Variants in TTLL1 observed in about 807,000 individuals in gnomAD.
TTLL1 encodes TTL family tubulin polyglutamylase complex subunit L1, also known as polyglutamylase complex subunit TTLL1.
In TTLL1, 33 loss-of-function variants were observed where a neutral mutation model predicts 47.8. The ratio of observed to expected loss-of-function variants is 0.69; its 90% CI spans 0.52 to 0.92. The LOEUF is 0.92. TTLL1 is among the 40% of genes least tolerant of loss of function. The pLI is 0.00. For synonymous variants in TTLL1, 225 were observed against 214.1 expected, an observed-to-expected ratio of 1.05 and a Z score of -0.45; for missense variants, 488 against 547.5, an observed-to-expected ratio of 0.89 and a Z score of 1.08.
chr22:43,054,000 C>T (rs1186814117), intron 8 of TTLL1, among the ~76,000 whole-genome samples: 1 of 152,212 alleles, frequency 6.6e-6, no homozygotes, highest in Non-Finnish European at 1.5e-5. Flanking sequence ...TAACCCTTCC[C>T]AATCATGAAG....
At chr22:43,077,279 T>C (rs918470531) in intron 2 of TTLL1, among the ~76,000 whole-genome samples, 1 of 152,150 alleles carries the variant, frequency 6.6e-6, no homozygotes, top group Non-Finnish European at 1.5e-5. Context: ...CTCTCTCTCC[T>C]GCCACAGGCC....
chr22:43,044,338 C>T (rs1309813993), intron 10 of TTLL1, among the ~76,000 whole-genome samples: 1 of 152,124 alleles, frequency 6.6e-6, no homozygotes, highest in Non-Finnish European at 1.5e-5. Context: ...TCCATCTAAA[C>T]TCCCCTTGCA....
chr22:43,083,982 T>C (rs1929063871), intron 1 of TTLL1, among the ~76,000 whole-genome samples: 1 of 152,178 alleles, frequency 6.6e-6, no homozygotes, highest in Admixed American at 6.6e-5. Flanking sequence ...TTAATTTCCT[T>C]GACATTATTT....
chr22:43,069,913 C>A, intron 3 of TTLL1, 69 bp from the exon 4 acceptor site: 1 of 1,569,020 alleles, frequency 6.4e-7, no homozygotes, highest in South Asian at 1.2e-5. Context: ...TGTTCCCGTC[C>A]CCGCAAACAC....
chr22:43,039,709 A>G lies in TTLL1; in HGVS notation c.*67T>C. On this transcript the variant is annotated 3_prime_UTR_variant, in exon 11 of 11. Transcript: ENST00000266254. ...AGGAAAAAAGCTCTACAAAAGGGAA[A>G]TTTCAAAATAGGGCTTCAGCAGGGG... 6.7e-7 allele frequency: 1 copy of G among 1,488,040 alleles called. No homozygotes were observed. Among genetic ancestry groups the G allele is most frequent in the African/African-American group, 1.4e-5 (1 of 70,484 alleles). 92.2% of individuals were successfully genotyped at this position (1,488,040 alleles called of 1,614,324 possible).
chr22:43,085,029 G>T (rs546599689), intron 1 of TTLL1, among the ~76,000 whole-genome samples: 1 of 145,280 alleles, frequency 6.9e-6, no homozygotes, highest in African/African-American at 2.6e-5. Flanking sequence ...GTGCAGTGGC[G>T]CGATCTCAGC....
chr22:43,089,163 C>T (rs1272811223), intron 1 of TTLL1, 114 bp downstream of exon 1: 2 of 152,242 alleles, frequency 1.3e-5, no homozygotes, highest in Non-Finnish European at 2.9e-5. Flanking sequence ...ACCGCATTTT[C>T]GCAGCCGCGT....
chr22:43,071,210 C>A (rs1330159175), intron 3 of TTLL1, among the ~76,000 whole-genome samples: 1 of 152,004 alleles, frequency 6.6e-6, no homozygotes, highest in Admixed American at 6.6e-5. Flanking sequence ...AGCCACCGTG[C>A]TTGGCAACGG....
intron 1 of TTLL1, among the ~76,000 whole-genome samples, chr22:43,088,410 C>T (rs891572464): frequency 2.2e-5 from 3 of 136,834 alleles, no homozygotes; most frequent in Non-Finnish European, 1.5e-5. Context: ...AATCTCGGCT[C>T]ACTGCAAGCT....
intron 10 of TTLL1, among the ~76,000 whole-genome samples, chr22:43,041,977 C>A (rs1925718777): frequency 6.6e-6 from 1 of 152,240 alleles, no homozygotes; most frequent in East Asian, 1.9e-4. Context: ...GGACAGGACA[C>A]CCCTGGAACT....
chr22:43,069,530 A>G (rs1927971153), intron 4 of TTLL1, 106 bp downstream of exon 4: 2 of 1,553,194 alleles, frequency 1.3e-6, no homozygotes, highest in African/African-American at 1.4e-5. Context: ...ACTCGCATGG[A>G]CATGCTCACG....
chr22:43,039,662 G>A lies in TTLL1; in HGVS notation c.*114C>T, dbSNP rs2072883. On this transcript the variant is annotated 3_prime_UTR_variant, in exon 11 of 11. Coordinates refer to ENST00000266254, the MANE Select transcript of TTLL1 (RefSeq NM_012263.5). Reference sequence around the variant, plus strand: ...CATAACCTTCCAAAGAAGTGCCTTCGTTTATTTACAGGGCTTAGGAAAGGA... The same window carrying A: ...CATAACCTTCCAAAGAAGTGCCTTCATTTATTTACAGGGCTTAGGAAAGGA... 836,207 of 1,336,002 alleles carry A rather than the reference G, an allele frequency of 0.63. 266,902 individuals are homozygous for A. Among genetic ancestry groups the A allele is most frequent in the African/African-American group, 0.9 (59,950 of 66,936 alleles). The allele number at this position is 1,336,002 out of a possible 1,614,324, so 82.8% of individuals were successfully genotyped here.
At chr22:43,066,985 C>T (rs575961339) in intron 5 of TTLL1, among the ~76,000 whole-genome samples, 1 of 150,934 alleles carries the variant, frequency 6.6e-6, no homozygotes, top group Non-Finnish European at 1.5e-5. Context: ...GAGACTCCAT[C>T]TCAAAAGAAA....
Position 43,073,643 on chromosome 22 carries a change from G to A in TTLL1, c.113+1831C>T, listed in dbSNP as rs558632610. On this transcript the variant is annotated intron_variant, in intron 3 of 10. Transcript: ENST00000266254. ...AGTGCTGGGATTACAGGCATGAGCC[G>A]CTGTGCCCAGCCCATCATAATTATT... 2.4e-3 allele frequency among the ~76,000 whole-genome samples: 356 copies of A among 151,194 alleles called. 3 individuals are homozygous for A. The highest frequency in any genetic ancestry group is 8.1e-3 in the African/African-American group (333 of 41,212).
intron 1 of TTLL1, among the ~76,000 whole-genome samples, chr22:43,084,481 G>A (rs780039744): frequency 6.7e-6 from 1 of 149,858 alleles, no homozygotes; most frequent in African/African-American, 2.5e-5. Context: ...TTCTTTGCAG[G>A]CTCCCCACCT....
At chr22:43,041,641 A>G (rs1000903150) in intron 10 of TTLL1, among the ~76,000 whole-genome samples, 1 of 151,364 alleles carries the variant, frequency 6.6e-6, no homozygotes, top group Non-Finnish European at 1.5e-5. Flanking sequence ...CAGCCTCCCA[A>G]GTAGCTGGCA....
intron 3 of TTLL1, among the ~76,000 whole-genome samples, chr22:43,074,765 C>T (rs35592378): frequency 0.01 from 1,549 of 152,118 alleles, 28 homozygotes; most frequent in African/African-American, 0.036. Context: ...CATGGCCGGA[C>T]ATGGTGGCTC....
chr22:43,046,137 C>T (rs1444109880), intron 10 of TTLL1, among the ~76,000 whole-genome samples: 3 of 152,182 alleles, frequency 2.0e-5, no homozygotes, highest in African/African-American at 7.2e-5. Flanking sequence ...AGGAGAACTG[C>T]TTGAACCCAG....
chr22:43,064,798 C>T (rs1348560053), intron 5 of TTLL1, among the ~76,000 whole-genome samples: 1 of 151,954 alleles, frequency 6.6e-6, no homozygotes, highest in Non-Finnish European at 1.5e-5. Context: ...TAGGGATAAA[C>T]AGGCAGAGCA....
Sources: allele counts gnomAD v4.1 joint callset (sites outside exome capture counted in the v4.1 genomes callset), GRCh38; gene constraint gnomAD v4.1.1; transcripts MANE v1.5; gene names NCBI Gene and HGNC (gene_info 2026-07-23, HGNC 2026-07-21).